Variants in MSRA observed in about 807,000 individuals in gnomAD.
MSRA encodes mitochondrial peptide methionine sulfoxide reductase.
In MSRA, 54 loss-of-function variants were observed where a neutral mutation model predicts 31.3. The observed-to-expected ratio is 1.73, with a 90% CI of 1.39 to 2.17. The LOEUF (loss-of-function observed/expected upper bound fraction) is 2.17. Ranked by LOEUF, MSRA falls within the 30% of genes most tolerant of loss-of-function variation. The pLI, the probability that MSRA is intolerant of heterozygous loss-of-function variation, is 0.00. For missense variants in MSRA, 507 were observed against 300.9 expected, an observed-to-expected ratio of 1.69 and a Z score of -5.07; for synonymous variants, 169 against 116.5, an observed-to-expected ratio of 1.45 and a Z score of -2.90.
rs1798130055 is a variant in MSRA at position 10,255,511 on chromosome 8, AGCT to A, written c.331+10293_331+10295del. Among the ~76,000 whole-genome samples, 3 of 152,226 alleles carry A rather than the reference AGCT, an allele frequency of 2.0e-5. No homozygotes were observed. In the South Asian group the frequency reaches 6.2e-4, roughly 32 times the overall value. On this transcript the variant is annotated intron_variant, in intron 3 of 5. Coordinates refer to ENST00000317173, the MANE Select transcript of MSRA (RefSeq NM_012331.5). ...TCCCCCTCGGTCCCGGCAGGTAAGGAGCTGCTGGCGACTGTCACACCAGTGCCC... is the reference window on the plus strand; with the variant it reads ...TCCCCCTCGGTCCCGGCAGGTAAGGAGCTGGCGACTGTCACACCAGTGCCC...
At chr8:10,420,051 AAACAAAAGC>A (rs1242369690) in intron 5 of MSRA, among the ~76,000 whole-genome samples, 3 of 152,210 alleles carry the variant, frequency 2.0e-5, no homozygotes, top group African/African-American at 7.2e-5. Context: ...ACAGCTAAAG[AAACAAAAGC>A]AACAAAATAT....
intron 1 of MSRA, among the ~76,000 whole-genome samples, chr8:10,163,744 G>A (rs907468588): frequency 7.2e-5 from 11 of 152,244 alleles, no homozygotes; most frequent in Admixed American, 2.0e-4. Context: ...AGCCAGAGGC[G>A]TCATCAAAGG....
chr8:10,158,781 G>A (rs1477872474), intron 1 of MSRA, among the ~76,000 whole-genome samples: 1 of 152,140 alleles, frequency 6.6e-6, no homozygotes, highest in East Asian at 1.9e-4. Context: ...TGGTGACTCT[G>A]CATTTAACAT....
At chr8:10,398,875 A>G (rs1239505193) in intron 5 of MSRA, among the ~76,000 whole-genome samples, 1 of 152,204 alleles carries the variant, frequency 6.6e-6, no homozygotes, top group Non-Finnish European at 1.5e-5. Context: ...CTTTGAAAAT[A>G]GCATTAGGAG....
chr8:10,108,887 T>C (rs934530716), intron 1 of MSRA, among the ~76,000 whole-genome samples: 5 of 152,156 alleles, frequency 3.3e-5, no homozygotes, highest in Non-Finnish European at 5.9e-5. Context: ...TGGCTGCCAA[T>C]GTAGGCAGCC....
chr8:10,152,010 T>A (rs1353190775), intron 1 of MSRA, among the ~76,000 whole-genome samples: 1 of 152,230 alleles, frequency 6.6e-6, no homozygotes, highest in Non-Finnish European at 1.5e-5. Flanking sequence ...AAAAGAAAAC[T>A]GAGGGTGCTT....
intron 3 of MSRA, among the ~76,000 whole-genome samples, chr8:10,281,322 C>A (rs1191372783): frequency 6.6e-6 from 1 of 152,166 alleles, no homozygotes; most frequent in Admixed American, 6.5e-5. Context: ...TTTTCCCCAT[C>A]GTTGGAAATG....
At chr8:10,160,492 C>G (rs1206498653) in intron 1 of MSRA, among the ~76,000 whole-genome samples, 1 of 147,616 alleles carries the variant, frequency 6.8e-6, no homozygotes, top group African/African-American at 2.5e-5. Flanking sequence ...GAGACTCCAT[C>G]TAAAAAAAAA....
chr8:10,194,593 C>T (rs1807815211), intron 1 of MSRA, among the ~76,000 whole-genome samples: 1 of 152,194 alleles, frequency 6.6e-6, no homozygotes. Flanking sequence ...ACATATTACT[C>T]TGGGGACTGC....
intron 1 of MSRA, among the ~76,000 whole-genome samples, chr8:10,055,402 G>A (rs1279943508): frequency 1.3e-5 from 2 of 152,204 alleles, no homozygotes; most frequent in East Asian, 1.9e-4. Flanking sequence ...CAAAATCTTG[G>A]CAATTTCTGC....
chr8:10,244,248 C>T (rs1314334167), intron 2 of MSRA, among the ~76,000 whole-genome samples: 1 of 152,060 alleles, frequency 6.6e-6, no homozygotes, highest in East Asian at 1.9e-4. Context: ...CATAGAACAC[C>T]AATTGTACTG....
intron 2 of MSRA, among the ~76,000 whole-genome samples, chr8:10,232,431 T>A (rs1811570500): frequency 6.6e-6 from 1 of 152,212 alleles, no homozygotes; most frequent in Admixed American, 6.5e-5. Context: ...GAACTTGCCC[T>A]AGCCAATTTA....
At chr8:10,360,537 G>C (rs918399052) in intron 5 of MSRA, among the ~76,000 whole-genome samples, 9 of 152,196 alleles carry the variant, frequency 5.9e-5, no homozygotes, top group African/African-American at 1.7e-4. Flanking sequence ...CCCCCAGCAA[G>C]ATTTTAAGCT....
chr8:10,072,074 A>G (rs941706998), intron 1 of MSRA, among the ~76,000 whole-genome samples: 6 of 14,618 alleles, frequency 4.1e-4, no homozygotes, highest in East Asian at 5.7e-3. Context: ...AGATAGAGCA[A>G]TGAGGTTGGC....
intron 1 of MSRA, among the ~76,000 whole-genome samples, chr8:10,136,499 T>C (rs1164283865): frequency 6.6e-6 from 1 of 152,236 alleles, no homozygotes; most frequent in Non-Finnish European, 1.5e-5. Context: ...AGATAACCAG[T>C]AGCCGTATGG....
chr8:10,400,757 GA>G (rs1807410632), intron 5 of MSRA, among the ~76,000 whole-genome samples: 2 of 152,196 alleles, frequency 1.3e-5, no homozygotes, highest in South Asian at 4.1e-4. Flanking sequence ...ATTCAGTGGG[GA>G]AAGGACAGAC....
At chr8:10,074,226 G>T (rs1053415616) in intron 1 of MSRA, among the ~76,000 whole-genome samples, 1 of 151,588 alleles carries the variant, frequency 6.6e-6, no homozygotes, top group African/African-American at 2.4e-5. Flanking sequence ...GGGACTACAT[G>T]CACCCGCCAC....
chr8:10,173,778 C>T (rs556472316), intron 1 of MSRA, among the ~76,000 whole-genome samples: 12 of 152,232 alleles, frequency 7.9e-5, no homozygotes, highest in Non-Finnish European at 1.6e-4. Flanking sequence ...CTGCAGTCAT[C>T]TGTGTGCCTA....
intron 4 of MSRA, among the ~76,000 whole-genome samples, chr8:10,310,580 G>A (rs1801380808): frequency 6.6e-6 from 1 of 152,218 alleles, no homozygotes; most frequent in Non-Finnish European, 1.5e-5. Flanking sequence ...TTCCTGAGCT[G>A]TGCGCAATGC....
Sources: gnomAD v4.1 joint callset for allele counts (sites outside exome capture counted in the v4.1 genomes callset) on GRCh38, gnomAD v4.1.1 for gene constraint, MANE v1.5 for transcripts, NCBI Gene and HGNC (gene_info 2026-07-23, HGNC 2026-07-21) for gene names.